Variants in FBXW7 observed in about 807,000 individuals in gnomAD.
The protein encoded by FBXW7 is F-box and WD repeat domain containing 7, also known as F-box/WD repeat-containing protein 7.
In FBXW7, 11 loss-of-function variants were observed where a neutral mutation model predicts 86.3. The ratio of observed to expected loss-of-function variants is 0.13; its 90% confidence interval spans 0.08 to 0.21. The LOEUF (loss-of-function observed/expected upper bound fraction) is 0.21. Among genes scored for constraint, FBXW7 ranks in the 10% least tolerant of loss-of-function variants. The pLI, the probability that FBXW7 is intolerant of heterozygous loss-of-function variation, is 1.00. For synonymous variants in FBXW7, 313 were observed against 297.9 expected (o/e 1.05, Z -0.52); for missense variants, 488 against 847.4 (o/e 0.58, Z 5.27).
In FBXW7 at chr4:152,381,277, T is replaced by C. The variant is rs183356191; in HGVS notation, c.501+30026A>G. Among the ~76,000 whole-genome samples, 651 of 152,194 alleles carry C rather than the reference T, an allele frequency of 4.3e-3. 3 individuals are homozygous for C. Among genetic ancestry groups the C allele is most frequent in the Non-Finnish European group, 6.8e-3 (462 of 67,946 alleles). On this transcript the variant is annotated intron_variant, in intron 4 of 13. Transcript: ENST00000281708. The stretch of plus-strand genomic sequence containing the variant: ...ATGGATTATTCTATTTAATAGAATA[T>C]TTCCCCTTTAGCTAAAAGAAAAAGT...
At chr4:152,395,640 T>TA (rs1052256044) in intron 4 of FBXW7, among the ~76,000 whole-genome samples, 5 of 152,068 alleles carry the variant, frequency 3.3e-5, no homozygotes, top group African/African-American at 1.2e-4. Flanking sequence ...CTAAAGCACT[T>TA]AAAGTGCTAT....
At chr4:152,370,457 C>T (rs1733911197) in intron 4 of FBXW7, among the ~76,000 whole-genome samples, 1 of 151,838 alleles carries the variant, frequency 6.6e-6, no homozygotes, top group South Asian at 2.1e-4. Flanking sequence ...GGGAGTGCTA[C>T]CTTTACTTGA....
intron 4 of FBXW7, among the ~76,000 whole-genome samples, chr4:152,380,314 A>G (rs933374766): frequency 6.6e-6 from 1 of 152,044 alleles, no homozygotes; most frequent in Admixed American, 6.6e-5. Context: ...CAGAAAATGT[A>G]AATCAACTAA....
Position 152,324,248 on chromosome 4 carries a change from C to G in FBXW7, c.1791G>C (p.Gly597=), listed in dbSNP as rs917457525. ...AGATTTTAACTGTAGAATCTGCATTCCCAGAGACAAGAATATTGTCTTTGA... is the reference window on the plus strand; with the variant it reads ...AGATTTTAACTGTAGAATCTGCATTGCCAGAGACAAGAATATTGTCTTTGA... ...MELKDNILVS[G]NADSTVKIWD... The change falls in exon 13 of 14, where the codon GGG becomes GGC. Residue 597 remains glycine, a synonymous_variant. Coordinates refer to ENST00000281708, the MANE Select transcript of FBXW7 (RefSeq NM_001349798.2). 6.2e-7 allele frequency: 1 copy of G among 1,613,020 alleles called. No homozygotes were observed. The highest frequency in any genetic ancestry group is 2.2e-5 in the East Asian group (1 of 44,820).
intron 2 of FBXW7, among the ~76,000 whole-genome samples, chr4:152,438,295 CAAT>C (rs761884930): frequency 5.9e-5 from 9 of 152,166 alleles, no homozygotes; most frequent in Non-Finnish European, 1.2e-4. Flanking sequence ...ACTGGGGAAA[CAAT>C]AAATTCTTGT....
intron 2 of FBXW7, among the ~76,000 whole-genome samples, chr4:152,461,621 T>C (rs982017039): frequency 6.6e-6 from 1 of 152,214 alleles, no homozygotes; most frequent in Non-Finnish European, 1.5e-5. Context: ...TGGCTATACT[T>C]GGGGTTAATT....
chr4:152,429,196 A>G (rs939885929), intron 2 of FBXW7, among the ~76,000 whole-genome samples: 2 of 152,174 alleles, frequency 1.3e-5, no homozygotes, highest in African/African-American at 4.8e-5. Flanking sequence ...ATCTCAAAAA[A>G]AAGAGAACAC....
rs747962563 is a variant in FBXW7 at position 152,411,783 on chromosome 4, A to G, written c.21T>C (p.Ser7=). 1 of 1,611,594 alleles carries G rather than the reference A, an allele frequency of 6.2e-7. No individual in the cohort carries two copies. The highest frequency in any genetic ancestry group is 8.5e-7 in the Non-Finnish European group (1 of 1,178,884). Residue 7 remains serine (S), a synonymous_variant, in exon 4 of 14, where the codon TCT becomes TCC. Coordinates refer to ENST00000281708, the MANE Select transcript of FBXW7 (RefSeq NM_001349798.2). ...CAGTTCGTCGTCTTTTGCTGCCCAC[A>G]GAGAGCAGTTCCTGATTCATTTCCA... The part of the protein sequence containing the change: MNQELL[S]VGSKRRRTGG...
chr4:152,512,432 A>G (rs990420960), intron 2 of FBXW7, among the ~76,000 whole-genome samples: 5 of 152,210 alleles, frequency 3.3e-5, no homozygotes, highest in African/African-American at 2.4e-5. Flanking sequence ...AGAATGGAGG[A>G]CGATATTAAG....
rs1021717666 is a variant in FBXW7, at chr4:152,347,088, A to G, written c.585-17T>C. The G allele has an allele frequency of 1.3e-4, 208 of 1,558,086 alleles. 1 individual carries two copies. The highest frequency in any genetic ancestry group is 6.4e-4 in the South Asian group (53 of 83,366). ...CCAGTGGTACTACAAAAAAAAAAAA[A>G]AGAGAGAGAGAAAGGATAAAAGGAA... On this transcript the variant is annotated splice_polypyrimidine_tract_variant and intron_variant, in intron 5 of 13. Transcript: ENST00000281708.
At chr4:152,487,864 A>G (rs973228566) in intron 2 of FBXW7, among the ~76,000 whole-genome samples, 2 of 152,062 alleles carry the variant, frequency 1.3e-5, no homozygotes, top group Non-Finnish European at 2.9e-5. Context: ...CTTGCTGTTT[A>G]AAACAACCGT....
chr4:152,374,891 G>T (rs1055933624), intron 4 of FBXW7, among the ~76,000 whole-genome samples: 3 of 152,006 alleles, frequency 2.0e-5, no homozygotes, highest in African/African-American at 2.4e-5. Context: ...TACAGGAGGG[G>T]GGGGGATGAT....
chr4:152,470,822 A>C (rs1743886651), intron 2 of FBXW7, among the ~76,000 whole-genome samples: 1 of 152,168 alleles, frequency 6.6e-6, no homozygotes, highest in Non-Finnish European at 1.5e-5. Context: ...ACGGAGATTA[A>C]GTCATCTGCT....
rs187357727 is a variant in FBXW7 at position 152,429,297 on chromosome 4, G to A, written c.-119-16768C>T. Among the ~76,000 whole-genome samples, 852 of 148,634 alleles carry A rather than the reference G, an allele frequency of 5.7e-3. 5 individuals are homozygous for A. Among genetic ancestry groups the A allele is most frequent in the Non-Finnish European group, 9.6e-3 (647 of 67,592 alleles). Reference sequence around the variant, plus strand: ...TGGTACAAATTACCAAGACCCTTTAGTCCTGAAGCAGTCTAGACAAAACAC... The same window carrying A: ...TGGTACAAATTACCAAGACCCTTTAATCCTGAAGCAGTCTAGACAAAACAC... On this transcript the variant is annotated intron_variant, in intron 2 of 13. Transcript: ENST00000281708.
intron 2 of FBXW7, among the ~76,000 whole-genome samples, chr4:152,496,656 CA>C (rs1160498157): frequency 1.0e-4 from 14 of 138,560 alleles, no homozygotes; most frequent in Admixed American, 1.4e-4. Flanking sequence ...GACTCCATCT[CA>C]AAAAAAAAAG....
At chr4:152,379,069 C>T (rs1034296210) in intron 4 of FBXW7, among the ~76,000 whole-genome samples, 1 of 151,846 alleles carries the variant, frequency 6.6e-6, no homozygotes, top group Admixed American at 6.6e-5. Flanking sequence ...TATAATTTCT[C>T]TTATTACTAG....
chr4:152,502,807 T>TTAAAGTTTTAC (rs757320150), intron 2 of FBXW7, among the ~76,000 whole-genome samples: 52 of 152,310 alleles, frequency 3.4e-4, no homozygotes, highest in Non-Finnish European at 6.6e-4. Flanking sequence ...TTCTTGGGTT[T>TTAAAGTTTTAC]TAAAGTTTTA....
intron 2 of FBXW7, among the ~76,000 whole-genome samples, chr4:152,500,568 A>G (rs145758613): frequency 1.3e-5 from 2 of 152,006 alleles, no homozygotes; most frequent in East Asian, 3.9e-4. Flanking sequence ...GTGACTGCAA[A>G]GGTGCAGCAT....
rs1049983829 is a variant in FBXW7 at position 152,362,829 on chromosome 4, A to C, written c.502-12705T>G. On this transcript the variant is annotated intron_variant, in intron 4 of 13. Transcript: ENST00000281708. ...GCAACAGAGTGAAACTCTCTCTCTC[A>C]AAAAAAAAAAAAAAAAAAAACAACA... Among the ~76,000 whole-genome samples the C allele has an allele frequency of 9.2e-5, 3 of 32,570 alleles. No individual in the cohort carries two copies. The East Asian group carries it at 2.6e-3, about 28-fold the overall frequency. 21.4% of individuals were successfully genotyped at this position (32,570 alleles called of 152,430 possible).
Sources: allele counts gnomAD v4.1 joint callset (sites outside exome capture counted in the v4.1 genomes callset), GRCh38; gene constraint gnomAD v4.1.1; transcripts MANE v1.5; gene names NCBI Gene and HGNC (gene_info 2026-07-23, HGNC 2026-07-21).